The following KIRREL3 variants were observed in gnomAD, a reference collection of about 807,000 sequenced individuals.
The protein encoded by KIRREL3 is kirre like nephrin family adhesion molecule 3.
A neutral mutation model predicts 89.7 loss-of-function variants in KIRREL3; 36 were observed. That is an observed-to-expected ratio of 0.40 (90% CI 0.31 to 0.53). The LOEUF (loss-of-function observed/expected upper bound fraction) is 0.53, where lower values mean the gene tolerates loss of function less well. Among genes scored for constraint, KIRREL3 ranks in the 20% least tolerant of loss-of-function variants. The pLI is 0.49. For synonymous variants in KIRREL3, 445 were observed against 441.4 expected (o/e 1.01, Z -0.10); for missense variants, 864 against 1,056.6 (o/e 0.82, Z 2.53).
At chr11:126,543,671 C>T (rs1017354133) in intron 2 of KIRREL3, among the ~76,000 whole-genome samples, 20 of 152,176 alleles carry the variant, frequency 1.3e-4, no homozygotes, top group Non-Finnish European at 4.4e-5. Flanking sequence ...ATAGGACAGC[C>T]CCTGCCCTTC....
Position 126,544,460 on chromosome 11 carries a change from A to G in KIRREL3, c.134-17773T>C, listed in dbSNP as rs1938619718. On this transcript the variant is annotated intron_variant, in intron 2 of 16. Coordinates refer to ENST00000525144, the MANE Select transcript of KIRREL3 (RefSeq NM_032531.4). The surrounding 1 kb of genome is among the most constrained non-coding windows in gnomAD (Gnocchi z 5.6). ...GCCAGTTCTCTTCTCTTTGTTTTGCAGAGTTGGCTGGCAGACTGCTTCCTT... is the reference window on the plus strand; with the variant it reads ...GCCAGTTCTCTTCTCTTTGTTTTGCGGAGTTGGCTGGCAGACTGCTTCCTT... Among the ~76,000 whole-genome samples the G allele has an allele frequency of 1.3e-5, 2 of 152,162 alleles. No individual in the cohort carries two copies. The highest frequency in any genetic ancestry group is 2.9e-5 in the Non-Finnish European group (2 of 68,034).
At position 126,652,836 on chromosome 11, in the gene KIRREL3, AACCAACAACAAAAGGACCAGCCAC is replaced by A. The variant is rs1944959638; in HGVS notation, c.56-89948_56-89925del. ...TTCCTCCCTGAGATCTTCCTCCGTG[AACCAACAACAAAAGGACCAGCCAC>A]CTCACTGGTCCTCTGTTGCCAGTAG... On this transcript the variant is annotated intron_variant, in intron 1 of 16. Transcript: ENST00000525144. The surrounding 1 kb of genome is among the most constrained non-coding windows in gnomAD (Gnocchi z 4.9). 1 of 152,166 alleles carries A rather than the reference AACCAACAACAAAAGGACCAGCCAC, an allele frequency of 6.6e-6. No individual in the cohort carries two copies. Among genetic ancestry groups the A allele is most frequent in the African/African-American group, 2.4e-5 (1 of 41,430 alleles). 9.4% of individuals were successfully genotyped at this position (152,166 alleles called of 1,614,324 possible).
chr11:126,854,865 T>G (rs994780101), intron 1 of KIRREL3, among the ~76,000 whole-genome samples: 5 of 152,190 alleles, frequency 3.3e-5, no homozygotes, highest in African/African-American at 1.2e-4. Context: ...GTCCAATTCA[T>G]CCTCTGCAGT....
chr11:126,959,770 TG>T (rs1412370365), intron 1 of KIRREL3, among the ~76,000 whole-genome samples: 1 of 144,766 alleles, frequency 6.9e-6, no homozygotes, highest in East Asian at 2.1e-4. Flanking sequence ...TTACCCAACC[TG>T]GGGGCCACCT....
In KIRREL3 at chr11:126,508,329, C is replaced by T. The variant is rs1252917536; in HGVS notation, c.433+12986G>A. ...CCCCCTTGGAAAAACCTCCTTCACA[C>T]GGACAGAACAATTTAGAGGCTCAGA... On this transcript the variant is annotated intron_variant, in intron 4 of 16. Coordinates refer to ENST00000525144, the MANE Select transcript of KIRREL3 (RefSeq NM_032531.4). This position sits in a 1 kb window ranked among gnomAD's most constrained non-coding sequence, Gnocchi z 4.9. Among the ~76,000 whole-genome samples, 1 of 152,158 alleles carries T rather than the reference C, an allele frequency of 6.6e-6. No individual in the cohort carries two copies. The highest frequency in any genetic ancestry group is 2.4e-5 in the African/African-American group (1 of 41,424).
chr11:126,834,931 A>G lies in KIRREL3; in HGVS notation c.55+165524T>C, dbSNP rs149209940. On this transcript the variant is annotated intron_variant, in intron 1 of 16. Coordinates refer to ENST00000525144, the MANE Select transcript of KIRREL3 (RefSeq NM_032531.4). ...GCGTGGCAGCTCCACCCACGTGCCA[A>G]CAAACACAGGACAACAAACAGATAT... is the stretch of plus-strand genomic sequence containing the variant. 3.8e-3 allele frequency among the ~76,000 whole-genome samples: 586 copies of G among 152,358 alleles called. 2 individuals are homozygous for G. Among genetic ancestry groups the G allele is most frequent in the African/African-American group, 0.014 (563 of 41,584 alleles).
Position 126,526,753 on chromosome 11 carries a change from A to T in KIRREL3, c.134-66T>A. ...TACAGGGGCGAGAAGGCTCCCCTCC[A>T]GCTATGGAAGCAGAGCAGGGCTGGC... On this transcript the variant is annotated intron_variant, in intron 2 of 16. Transcript: ENST00000525144. The surrounding 1 kb of genome is among the most constrained non-coding windows in gnomAD (Gnocchi z 5.7). The T allele has an allele frequency of 2.0e-6, 3 of 1,493,038 alleles. No individual in the cohort carries two copies. The highest frequency in any genetic ancestry group is 2.7e-6 in the Non-Finnish European group (3 of 1,100,682). 92.5% of individuals were successfully genotyped at this position (1,493,038 alleles called of 1,614,324 possible).
At chr11:126,631,788 C>A (rs1243707912) in intron 1 of KIRREL3, among the ~76,000 whole-genome samples, 2 of 152,200 alleles carry the variant, frequency 1.3e-5, no homozygotes, top group Non-Finnish European at 1.5e-5. Flanking sequence ...AAATTATTAT[C>A]CTTATTTTGC....
Position 126,755,745 on chromosome 11 carries a change from C to CT in KIRREL3, c.56-192834dup, listed in dbSNP as rs1949472036. ...GTCTTCCTGCCAGCTTCAAGCAACT[C>CT]TTTCCATGCCCCTTCTTTGCACTTT... On this transcript the variant is annotated intron_variant, in intron 1 of 16. Coordinates refer to ENST00000525144, the MANE Select transcript of KIRREL3 (RefSeq NM_032531.4). This position sits in a 1 kb window ranked among gnomAD's most constrained non-coding sequence, Gnocchi z 4.3. Among the ~76,000 whole-genome samples, 1 of 152,048 alleles carries CT rather than the reference C, an allele frequency of 6.6e-6. No homozygotes were observed. The highest frequency in any genetic ancestry group is 6.6e-5 in the Admixed American group (1 of 15,256).
chr11:126,726,769 T>C (rs1291849900), intron 1 of KIRREL3, among the ~76,000 whole-genome samples: 1 of 152,218 alleles, frequency 6.6e-6, no homozygotes, highest in Non-Finnish European at 1.5e-5. Flanking sequence ...AACTCTGTAT[T>C]GGCCTACACA....
In KIRREL3 at chr11:126,486,241, C is replaced by T. The variant is rs1233244673; in HGVS notation, c.434-12775G>A. On this transcript the variant is annotated intron_variant, in intron 4 of 16. Coordinates refer to ENST00000525144, the MANE Select transcript of KIRREL3 (RefSeq NM_032531.4). This position sits in a 1 kb window ranked among gnomAD's most constrained non-coding sequence, Gnocchi z 6.2. ...GGGTGCTACGTGGCCGCCGTCTGCA[C>T]AGCAAGGGTGAGAGGGCTTGGGAGA... Among the ~76,000 whole-genome samples, 1 of 152,108 alleles carries T rather than the reference C, an allele frequency of 6.6e-6. No homozygotes were observed. The highest frequency in any genetic ancestry group is 1.5e-5 in the Non-Finnish European group (1 of 68,032).
upstream of KIRREL3, among the ~76,000 whole-genome samples, chr11:127,001,659 A>C (rs1565492353): frequency 6.6e-6 from 1 of 152,118 alleles, no homozygotes; most frequent in Non-Finnish European, 1.5e-5. Context: ...CTCCACACTC[A>C]AATCAAACTC....
At position 126,876,543 on chromosome 11, in the gene KIRREL3, T is replaced by C. The variant is rs1344627138; in HGVS notation, c.55+123912A>G. On this transcript the variant is annotated intron_variant, in intron 1 of 16. Transcript: ENST00000525144. This position sits in a 1 kb window ranked among gnomAD's most constrained non-coding sequence, Gnocchi z 4.1. Reference sequence around the variant, plus strand: ...AGTACATACTCATAAATATGCTTTTTTTTTTTTTTTTTGAGATGGAGTCTT... The same window carrying C: ...AGTACATACTCATAAATATGCTTTTCTTTTTTTTTTTTGAGATGGAGTCTT... Among the ~76,000 whole-genome samples the C allele has an allele frequency of 6.6e-6, 1 of 151,182 alleles. No homozygotes were observed. Among genetic ancestry groups the C allele is most frequent in the Non-Finnish European group, 1.5e-5 (1 of 67,720 alleles).
At chr11:126,468,160 C>T (rs1463946411) in intron 5 of KIRREL3, among the ~76,000 whole-genome samples, 11 of 152,188 alleles carry the variant, frequency 7.2e-5, no homozygotes, top group Admixed American at 7.2e-4. Context: ...TGTCCTCTCG[C>T]CCCTCCTCTT....
At chr11:126,649,942 C>T (rs947663170) in intron 1 of KIRREL3, among the ~76,000 whole-genome samples, 3 of 152,228 alleles carry the variant, frequency 2.0e-5, no homozygotes, top group Admixed American at 1.3e-4. Flanking sequence ...CAGGAGTTTC[C>T]ATACATTTTC....
chr11:126,435,220 A>G, intron 13 of KIRREL3, 48 bp downstream of exon 13: 7 of 1,604,970 alleles, frequency 4.4e-6, no homozygotes, highest in Non-Finnish European at 6.0e-6. Context: ...CTAGCCAGGA[A>G]GTCCCTTCCC....
chr11:126,506,976 G>A (rs1056655271), intron 4 of KIRREL3, among the ~76,000 whole-genome samples: 7 of 152,090 alleles, frequency 4.6e-5, no homozygotes, highest in Non-Finnish European at 5.9e-5. Context: ...ACTGTCTGCC[G>A]ACTGGCGAAT....
At chr11:126,967,735 C>T (rs1197450962) in intron 1 of KIRREL3, among the ~76,000 whole-genome samples, 1 of 152,100 alleles carries the variant, frequency 6.6e-6, no homozygotes, top group African/African-American at 2.4e-5. Flanking sequence ...TAGTGGTTCT[C>T]AGGTGGGGGC....
intron 7 of KIRREL3, among the ~76,000 whole-genome samples, chr11:126,450,567 G>A (rs369707768): frequency 4.8e-4 from 72 of 150,938 alleles, no homozygotes; most frequent in African/African-American, 1.6e-3. Context: ...GTGCATGTGC[G>A]TGTGCATGTG....
Sources: allele counts gnomAD v4.1 joint callset (sites outside exome capture counted in the v4.1 genomes callset), GRCh38; gene constraint gnomAD v4.1.1; non-coding constraint Gnocchi (gnomAD v3.1); transcripts MANE v1.5; gene names NCBI Gene and HGNC (gene_info 2026-07-23, HGNC 2026-07-21).